The following MEGF10 variants were observed in gnomAD, a reference collection of about 807,000 sequenced individuals.
The protein encoded by MEGF10 is multiple epidermal growth factor-like domains protein 10.
In MEGF10, 86 loss-of-function variants were observed where a neutral mutation model predicts 147.5. The ratio of observed to expected loss-of-function variants is 0.58; its 90% CI spans 0.49 to 0.70. The LOEUF (loss-of-function observed/expected upper bound fraction) is 0.70. Among genes scored for constraint, MEGF10 ranks in the 30% least tolerant of loss-of-function variants. The probability of loss-of-function intolerance (pLI) is 0.00; values close to 1 mark genes in which losing one functional copy is unlikely to be tolerated. For missense variants in MEGF10, 1,329 were observed against 1,487.3 expected, an observed-to-expected ratio of 0.89 and a Z score of 1.75; for synonymous variants, 478 against 525.5, an observed-to-expected ratio of 0.91 and a Z score of 1.24.
chr5:127,395,278 A>G (rs1023760608), intron 5 of MEGF10, among the ~76,000 whole-genome samples: 10 of 151,966 alleles, frequency 6.6e-5, no homozygotes, highest in African/African-American at 2.4e-4. Context: ...CTACTCACTG[A>G]CTTTTGTATT....
intron 7 of MEGF10, among the ~76,000 whole-genome samples, chr5:127,400,512 C>T (rs144149702): frequency 3.3e-5 from 5 of 152,316 alleles, no homozygotes; most frequent in Non-Finnish European, 7.4e-5. Flanking sequence ...TCCTCCTGTT[C>T]TTTCATTTCC....
the MEGF10 span, among the ~76,000 whole-genome samples, chr5:127,238,348 G>A: frequency 6.6e-6 from 1 of 152,050 alleles, no homozygotes; most frequent in Non-Finnish European, 1.5e-5. Context: ...GAGCCACCAT[G>A]CCTGGCCTCA....
intron 7 of MEGF10, among the ~76,000 whole-genome samples, chr5:127,400,548 G>A (rs979411382): frequency 1.3e-5 from 2 of 152,172 alleles, no homozygotes; most frequent in African/African-American, 4.8e-5. Context: ...GCCAGTGTTG[G>A]TCTTTTGCAA....
intron 5 of MEGF10, among the ~76,000 whole-genome samples, chr5:127,373,584 C>T (rs188227208): frequency 1.3e-5 from 2 of 152,224 alleles, no homozygotes; most frequent in African/African-American, 4.8e-5. Context: ...TTCAAAGAAG[C>T]CTTGGTACCT....
At chr5:127,393,314 A>C (rs1393281893) in intron 5 of MEGF10, among the ~76,000 whole-genome samples, 1 of 152,248 alleles carries the variant, frequency 6.6e-6, no homozygotes, top group Non-Finnish European at 1.5e-5. Flanking sequence ...ACTAAACATA[A>C]GGAATGAATT....
chr5:127,438,690 C>T (rs1765645866), intron 17 of MEGF10, 123 bp downstream of exon 17: 1 of 961,916 alleles, frequency 1.0e-6, no homozygotes, highest in East Asian at 2.5e-5. Flanking sequence ...CTTCCCTCTC[C>T]TAATGACCTG....
Position 127,417,738 on chromosome 5 carries a change from CA to C in MEGF10, c.1232del (p.Gln411ArgfsTer14). ...TGGATTCTACGGGGAAGCTTGCCAG[CA>C]GATCTGCAGCTGCCAAAATGGGGCA... ...SPGFYGEACQQICSCQNGADC... is the reference protein window; with the variant it reads ...SPGFYGEACQXICSCQNGADC... On this transcript the variant is annotated frameshift_variant, in exon 10 of 25. Transcript: ENST00000503335. LOFTEE classifies it high-confidence loss of function. 6.2e-7 allele frequency: 1 copy of C among 1,614,100 alleles called. No homozygotes were observed.
chr5:127,450,463 C>T lies in MEGF10; in HGVS notation c.2980+1241C>T, dbSNP rs114207574. 5.6e-3 allele frequency among the ~76,000 whole-genome samples: 853 copies of T among 152,298 alleles called. 5 individuals are homozygous for T. Among genetic ancestry groups the T allele is most frequent in the African/African-American group, 0.02 (821 of 41,566 alleles). On this transcript the variant is annotated intron_variant, in intron 22 of 24. Transcript: ENST00000503335. ...GTGATATACCATTAATTATGCAGTG[C>T]AGTTTCCAAGCCTGTAACCCATATT... is the stretch of plus-strand genomic sequence containing the variant.
intron 18 of MEGF10, among the ~76,000 whole-genome samples, chr5:127,442,029 A>T (rs2127018065): frequency 6.6e-6 from 1 of 152,368 alleles, no homozygotes; most frequent in African/African-American, 2.4e-5. Flanking sequence ...AGTTGCATAC[A>T]TAACTCTATT....
chr5:127,336,070 C>T lies in MEGF10; in HGVS notation c.117-3050C>T, dbSNP rs966362863. Among the ~76,000 whole-genome samples, 4 of 113,094 alleles carry T rather than the reference C, an allele frequency of 3.5e-5. No homozygotes were observed. In the South Asian group the frequency reaches 8.9e-4, roughly 25 times the overall value. The allele number at this position is 113,094 out of a possible 152,430, so 74.2% of individuals were successfully genotyped here. A position where few individuals can be genotyped will look rare whatever the true frequency, so the allele number is the denominator to read the frequency against. On this transcript the variant is annotated intron_variant, in intron 2 of 24. Transcript: ENST00000503335. ...AATTATCATTGGTCAGAAACTGAAG[C>T]GTCCACTTAAGTTTATACAGTAATT...
intron 1 of MEGF10, among the ~76,000 whole-genome samples, chr5:127,329,433 G>T (rs1761165330): frequency 6.6e-6 from 1 of 152,006 alleles, no homozygotes; most frequent in African/African-American, 2.4e-5. Context: ...TATACTTAAA[G>T]AATCTTGATT....
chr5:127,316,735 A>G (rs1005091568), intron 1 of MEGF10, among the ~76,000 whole-genome samples: 1 of 152,164 alleles, frequency 6.6e-6, no homozygotes, highest in Non-Finnish European at 1.5e-5. Flanking sequence ...AGAGATGAAC[A>G]GTGTACCATT....
chr5:127,406,707 T>C (rs1477369269), intron 8 of MEGF10, among the ~76,000 whole-genome samples: 2 of 152,156 alleles, frequency 1.3e-5, no homozygotes, highest in Non-Finnish European at 1.5e-5. Context: ...GGCAGAGTAG[T>C]GCATAGATTG....
intron 4 of MEGF10, among the ~76,000 whole-genome samples, chr5:127,347,585 A>G (rs1761936518): frequency 6.6e-6 from 1 of 152,080 alleles, no homozygotes; most frequent in African/African-American, 2.4e-5. Flanking sequence ...TGGTTGAGAA[A>G]TCACTGGATA....
At chr5:127,342,659 G>A (rs1007943762) in intron 4 of MEGF10, among the ~76,000 whole-genome samples, 25 of 151,994 alleles carry the variant, frequency 1.6e-4, no homozygotes, top group African/African-American at 6.0e-4. Context: ...TAGAAAGTTA[G>A]GCAATTCCAC....
chr5:127,358,523 A>T (rs1008459873), intron 4 of MEGF10, among the ~76,000 whole-genome samples: 2 of 152,176 alleles, frequency 1.3e-5, no homozygotes, highest in Non-Finnish European at 2.9e-5. Context: ...CTCCATAGAG[A>T]GTGGTCAGGG....
chr5:127,421,123 T>G (rs1764982795), intron 12 of MEGF10, among the ~76,000 whole-genome samples: 1 of 152,212 alleles, frequency 6.6e-6, no homozygotes, highest in Non-Finnish European at 1.5e-5. Context: ...AGTGAACAAA[T>G]TATCAGTACT....
intron 1 of MEGF10, among the ~76,000 whole-genome samples, chr5:127,327,500 A>G (rs1004292150): frequency 6.6e-6 from 1 of 152,144 alleles, no homozygotes; most frequent in Non-Finnish European, 1.5e-5. Context: ...TTTCATTTGC[A>G]TTCCAAAGTG....
the MEGF10 span, among the ~76,000 whole-genome samples, chr5:127,262,392 G>A: frequency 6.6e-6 from 1 of 152,074 alleles, no homozygotes; most frequent in East Asian, 1.9e-4. Context: ...TGGCAAGTCT[G>A]GAACTAAAAT....
Sources: allele counts gnomAD v4.1 joint callset (sites outside exome capture counted in the v4.1 genomes callset), GRCh38; gene constraint gnomAD v4.1.1; transcripts MANE v1.5; gene names NCBI Gene and HGNC (gene_info 2026-07-23, HGNC 2026-07-21).